ERBB4: variants seen among roughly 807,000 people sequenced by gnomAD.
ERBB4 encodes the protein receptor tyrosine-protein kinase erbB-4.
A neutral mutation model predicts 158.0 loss-of-function variants in ERBB4; 42 were observed. The ratio of observed to expected loss-of-function variants is 0.27; its 90% CI spans 0.21 to 0.34. The LOEUF (loss-of-function observed/expected upper bound fraction) is 0.34, where lower values mean the gene tolerates loss of function less well. Ranked by LOEUF, ERBB4 falls within the 10% of genes least tolerant of loss-of-function variation. The pLI, the probability that ERBB4 is intolerant of heterozygous loss-of-function variation, is 1.00. For missense variants in ERBB4, 1,333 were observed against 1,624.1 expected, an observed-to-expected ratio of 0.82 and a Z score of 3.08; for synonymous variants, 583 against 558.7, an observed-to-expected ratio of 1.04 and a Z score of -0.61.
intron 1 of ERBB4, among the ~76,000 whole-genome samples, chr2:212,494,728 T>G (rs1690463898): frequency 6.6e-6 from 1 of 152,128 alleles, no homozygotes; most frequent in South Asian, 2.1e-4. Context: ...AAAATCCACA[T>G]GCCTGTATTT....
intron 2 of ERBB4, among the ~76,000 whole-genome samples, chr2:212,059,987 C>T (rs1257141772): frequency 3.9e-5 from 6 of 152,132 alleles, no homozygotes. Flanking sequence ...AAAGAAAATA[C>T]CATCAGAGTG....
At chr2:212,125,827 C>T (rs1215214450) in intron 1 of ERBB4, among the ~76,000 whole-genome samples, 1 of 152,078 alleles carries the variant, frequency 6.6e-6, no homozygotes, top group Admixed American at 6.5e-5. Context: ...TATTGATGGG[C>T]ATTTAGGGTG....
chr2:212,127,089 C>T (rs1279409678), intron 1 of ERBB4, among the ~76,000 whole-genome samples: 1 of 152,100 alleles, frequency 6.6e-6, no homozygotes, highest in African/African-American at 2.4e-5. Flanking sequence ...AAGTTGAAGT[C>T]CTAATTCCCA....
At chr2:211,453,300 A>G (rs1193569300) in intron 20 of ERBB4, among the ~76,000 whole-genome samples, 2 of 152,232 alleles carry the variant, frequency 1.3e-5, no homozygotes, top group African/African-American at 4.8e-5. Flanking sequence ...TCATTTTAAA[A>G]GTATAATAAA....
intron 1 of ERBB4, among the ~76,000 whole-genome samples, chr2:212,517,748 T>C (rs773482169): frequency 6.6e-6 from 1 of 152,126 alleles, no homozygotes; most frequent in Non-Finnish European, 1.5e-5. Context: ...ATAATACAGC[T>C]ATTTTTTAAT....
At chr2:212,091,644 C>G (rs1451209884) in intron 2 of ERBB4, among the ~76,000 whole-genome samples, 1 of 151,824 alleles carries the variant, frequency 6.6e-6, no homozygotes, top group African/African-American at 2.4e-5. Context: ...AAAAAATTGG[C>G]TAAAGTTCCC....
chr2:212,192,589 G>A (rs1018385909), intron 1 of ERBB4, among the ~76,000 whole-genome samples: 3 of 152,056 alleles, frequency 2.0e-5, no homozygotes, highest in Non-Finnish European at 4.4e-5. Flanking sequence ...TAGAAAAATA[G>A]AACAATAATG....
chr2:212,474,822 C>CTTTTTTTTTTTTTTTTTTTTTTTTTTTTT (rs539959668), intron 1 of ERBB4, among the ~76,000 whole-genome samples: 4 of 94,410 alleles, frequency 4.2e-5, no homozygotes, highest in African/African-American at 1.2e-4. Context: ...CCCGGCCATT[C>CTTTTTTTTTTTTTTTTTTTTTTTTTTTTT]TTTTTTTTTT....
intron 1 of ERBB4, among the ~76,000 whole-genome samples, chr2:212,454,756 C>T (rs1688192755): frequency 6.6e-6 from 1 of 152,078 alleles, no homozygotes; most frequent in South Asian, 2.1e-4. Context: ...GTGGAGAGCA[C>T]ATCAACTGTA....
intron 1 of ERBB4, among the ~76,000 whole-genome samples, chr2:212,505,164 G>A (rs879844010): frequency 1.1e-4 from 17 of 151,958 alleles, no homozygotes; most frequent in African/African-American, 2.9e-4. Flanking sequence ...TGGCACAATC[G>A]AAGCTCACTG....
intron 4 of ERBB4, among the ~76,000 whole-genome samples, chr2:211,758,906 C>T (rs1266925230): frequency 1.3e-5 from 2 of 152,198 alleles, no homozygotes; most frequent in African/African-American, 4.8e-5. Flanking sequence ...TTTGTATGTC[C>T]AGTCTAGACT....
chr2:211,713,457 G>T, intron 8 of ERBB4, 78 bp downstream of exon 8: 1 of 834,070 alleles, frequency 1.2e-6, no homozygotes, highest in Non-Finnish European at 2.1e-6. Context: ...ATATTAAAAA[G>T]TTGGTCTACT....
intron 9 of ERBB4, among the ~76,000 whole-genome samples, chr2:211,706,128 C>T (rs963791014): frequency 6.6e-6 from 1 of 151,914 alleles, no homozygotes; most frequent in Non-Finnish European, 1.5e-5. Flanking sequence ...TAGGTAGAGA[C>T]CTCATATTAA....
At chr2:211,943,317 T>G (rs972897125) in intron 3 of ERBB4, among the ~76,000 whole-genome samples, 5 of 151,992 alleles carry the variant, frequency 3.3e-5, no homozygotes, top group Non-Finnish European at 5.9e-5. Flanking sequence ...AAATGTCGAT[T>G]TGAATAGGAA....
chr2:211,628,417 T>G (rs1345862226), intron 17 of ERBB4, among the ~76,000 whole-genome samples: 2 of 152,078 alleles, frequency 1.3e-5, no homozygotes, highest in African/African-American at 4.8e-5. Flanking sequence ...GAACATGCGG[T>G]GTTTGGTTTT....
At chr2:211,839,346 A>C (rs1472211491) in intron 3 of ERBB4, among the ~76,000 whole-genome samples, 1 of 144,220 alleles carries the variant, frequency 6.9e-6, no homozygotes, top group East Asian at 2.1e-4. Flanking sequence ...TTCATGGAGA[A>C]TAGATATACA....
chr2:211,388,049 A>C, intron 25 of ERBB4, 57 bp from the exon 26 acceptor site: 1 of 1,326,594 alleles, frequency 7.5e-7, no homozygotes, highest in Non-Finnish European at 1.1e-6. Flanking sequence ...TGAATGAAAA[A>C]ATTAAAAAAA....
chr2:211,974,621 G>T (rs1217120183), intron 2 of ERBB4, among the ~76,000 whole-genome samples: 2 of 152,092 alleles, frequency 1.3e-5, no homozygotes, highest in Non-Finnish European at 2.9e-5. Flanking sequence ...CAGGAGCAAT[G>T]GCTCACACCT....
At chr2:211,698,455 C>T (rs182807474) in intron 12 of ERBB4, among the ~76,000 whole-genome samples, 9 of 151,274 alleles carry the variant, frequency 5.9e-5, no homozygotes, top group East Asian at 1.9e-4. Flanking sequence ...TATTCATATA[C>T]GAAAATATAT....
Sources: gnomAD v4.1 joint callset for allele counts (sites outside exome capture counted in the v4.1 genomes callset) on GRCh38, gnomAD v4.1.1 for gene constraint, MANE v1.5 for transcripts, NCBI Gene and HGNC (gene_info 2026-07-23, HGNC 2026-07-21) for gene names.